OR5AN1: variants seen among roughly 807,000 people sequenced by gnomAD.
The protein encoded by OR5AN1 is olfactory receptor family 5 subfamily AN member 1.
For missense variants in OR5AN1, 476 were observed against 368.9 expected, an observed-to-expected ratio of 1.29 and a Z score of -2.38; for synonymous variants, 167 against 131.8, an observed-to-expected ratio of 1.27 and a Z score of -1.83.
rs182700766 is a variant in OR5AN1, at chr11:59,362,272, C to T, written c.-13-2174C>T. On this transcript the variant is annotated intron_variant, in intron 1 of 1. Coordinates refer to ENST00000641998, the MANE Select transcript of OR5AN1 (RefSeq NM_001004729.2). The stretch of plus-strand genomic sequence containing the variant: ...ATGCTTTATGTAAGAGTTTTTCTGC[C>T]GTAACCAAGTTTTAAATTGCTTTGC... Among the ~76,000 whole-genome samples the T allele has an allele frequency of 1.1e-4, 17 of 152,094 alleles. 1 individual carries two copies. The highest frequency in any genetic ancestry group is 6.8e-3 in the Middle Eastern group (2 of 294).
chr11:59,366,679 T>G lies in OR5AN1; in HGVS notation c.*1285T>G, dbSNP rs1353427219. ...AAATTGAGATATTATATATCTATTT[T>G]GGAGTTGTTTAGGATTATTGAGCTG... On this transcript the variant is annotated 3_prime_UTR_variant, in exon 2 of 2. Transcript: ENST00000641998. The G allele has an allele frequency of 3.9e-5, 6 of 152,238 alleles. No homozygotes were observed. Among genetic ancestry groups the G allele is most frequent in the African/African-American group, 7.2e-5 (3 of 41,460 alleles). The allele number at this position is 152,238 out of a possible 1,614,324, so 9.4% of individuals were successfully genotyped here.
Position 59,365,504 on chromosome 11 carries a change from G to C in OR5AN1, c.*110G>C. On this transcript the variant is annotated 3_prime_UTR_variant, in exon 2 of 2. Coordinates refer to ENST00000641998, the MANE Select transcript of OR5AN1 (RefSeq NM_001004729.2). ...AAAATTCATGCTGCCTACTGCCTTT[G>C]GACAAAGAAGGCTTGATTTGATGCA... 1 of 671,122 alleles carries C rather than the reference G, an allele frequency of 1.5e-6. No homozygotes were observed. 41.6% of individuals were successfully genotyped at this position (671,122 alleles called of 1,614,324 possible).
Position 59,364,757 on chromosome 11 carries a change from T to C in OR5AN1, c.299T>C (p.Ile100Thr). Residue 100 changes from isoleucine to threonine, a missense_variant, in exon 2 of 2, where the codon ATT becomes ACT. Ile to Thr is a moderately conservative substitution (Grantham distance 89, BLOSUM62 -1). Coordinates refer to ENST00000641998, the MANE Select transcript of OR5AN1 (RefSeq NM_001004729.2). ...QQTITFVGCI[I>T]QYFIFSTMGL... is the part of the protein sequence containing the mutation. Reference sequence around the variant, plus strand: ...ACTATCACTTTTGTTGGTTGTATTATTCAGTACTTTATCTTTTCAACGATG... The same window carrying C: ...ACTATCACTTTTGTTGGTTGTATTACTCAGTACTTTATCTTTTCAACGATG... 1 of 1,614,124 alleles carries C rather than the reference T, an allele frequency of 6.2e-7. No individual in the cohort carries two copies.
In OR5AN1 at chr11:59,364,684, A is replaced by G. The variant is rs1488330896; in HGVS notation, c.226A>G (p.Ser76Gly). The G allele has an allele frequency of 1.2e-6, 2 of 1,613,818 alleles. No homozygotes were observed. Among genetic ancestry groups the G allele is most frequent in the East Asian group, 4.5e-5 (2 of 44,876 alleles). Residue 76 changes from serine to glycine, a missense_variant, in exon 2 of 2, where the codon AGC becomes GGC. Ser to Gly is a moderately conservative substitution (Grantham distance 56). Transcript: ENST00000641998. ...GTCCTTCATAGATGTCTGCTATATCAGCTCCACAGTCCCCAAGATGCTCTC... is the reference window on the plus strand; with the variant it reads ...GTCCTTCATAGATGTCTGCTATATCGGCTCCACAGTCCCCAAGATGCTCTC... ...NLSFIDVCYI[S>G]STVPKMLSNL...
chr11:59,363,561 T>G (rs1857488591), intron 1 of OR5AN1, among the ~76,000 whole-genome samples: 1 of 152,198 alleles, frequency 6.6e-6, no homozygotes, highest in Admixed American at 6.5e-5. Context: ...TTATCAGAAT[T>G]TATGATATTA....
chr11:59,370,607 C>A lies in OR5AN1; in HGVS notation c.*5213C>A, dbSNP rs1193065304. On this transcript the variant is annotated 3_prime_UTR_variant, in exon 2 of 2. Coordinates refer to ENST00000641998, the MANE Select transcript of OR5AN1 (RefSeq NM_001004729.2). ...AAGAGCAAAGTATATCCAAGATATT[C>A]TTGCCCTTACAAATATCAATGTATT... 6.6e-6 allele frequency: 1 copy of A among 152,192 alleles called. No individual in the cohort carries two copies. Among genetic ancestry groups the A allele is most frequent in the Non-Finnish European group, 1.5e-5 (1 of 68,028 alleles). 9.4% of individuals were successfully genotyped at this position (152,192 alleles called of 1,614,324 possible).
chr11:59,363,026 G>A (rs886134211), intron 1 of OR5AN1, among the ~76,000 whole-genome samples: 10 of 152,282 alleles, frequency 6.6e-5, no homozygotes, highest in Middle Eastern at 3.4e-3. Flanking sequence ...ACACCTGCCT[G>A]GAGGCAATGA....
At chr11:59,362,358 C>A (rs1166891546) in intron 1 of OR5AN1, among the ~76,000 whole-genome samples, 4 of 152,022 alleles carry the variant, frequency 2.6e-5, no homozygotes, top group Non-Finnish European at 4.4e-5. Flanking sequence ...CACTTCCATC[C>A]CAAGATTATA....
chr11:59,361,611 AT>A (rs1244653320), intron 1 of OR5AN1, among the ~76,000 whole-genome samples: 1 of 152,078 alleles, frequency 6.6e-6, no homozygotes, highest in African/African-American at 2.4e-5. Context: ...CCTTTATGTC[AT>A]TTCCATCCTT....
In OR5AN1 at chr11:59,366,614, A is replaced by G. The variant is rs1436535674; in HGVS notation, c.*1220A>G. ...ACCCCCAAGGTGTGTGATGCTGGGC[A>G]AGCCACACAATCTTTTGTGCCTCAG... On this transcript the variant is annotated 3_prime_UTR_variant, in exon 2 of 2. Coordinates refer to ENST00000641998, the MANE Select transcript of OR5AN1 (RefSeq NM_001004729.2). The G allele has an allele frequency of 6.6e-6, 1 of 152,216 alleles. No homozygotes were observed. Among genetic ancestry groups the G allele is most frequent in the African/African-American group, 2.4e-5 (1 of 41,448 alleles). 9.4% of individuals were successfully genotyped at this position (152,216 alleles called of 1,614,324 possible).
rs1287796966 is a variant in OR5AN1 at position 59,366,662 on chromosome 11, A to G, written c.*1268A>G. ...CAGTTTTCTCATTTGTAAAATTGAG[A>G]TATTATATATCTATTTTGGAGTTGT... On this transcript the variant is annotated 3_prime_UTR_variant, in exon 2 of 2. Transcript: ENST00000641998. 2 of 152,222 alleles carry G rather than the reference A, an allele frequency of 1.3e-5. No individual in the cohort carries two copies. The highest frequency in any genetic ancestry group is 4.8e-5 in the African/African-American group (2 of 41,454). 9.4% of individuals were successfully genotyped at this position (152,222 alleles called of 1,614,324 possible).
chr11:59,360,684 T>C (rs1429221300), intron 1 of OR5AN1, among the ~76,000 whole-genome samples: 1 of 152,190 alleles, frequency 6.6e-6, no homozygotes, highest in Non-Finnish European at 1.5e-5. Context: ...ATATAGTGTT[T>C]GGTTTTCTGT....
In OR5AN1 at chr11:59,364,466, G is replaced by A. The variant is rs1239908117; in HGVS notation, c.8G>A (p.Gly3Glu). The A allele has an allele frequency of 3.7e-6, 6 of 1,605,314 alleles. No individual in the cohort carries two copies. The highest frequency in any genetic ancestry group is 5.1e-6 in the Non-Finnish European group (6 of 1,175,066). MTGGGNITEITYF... is the reference protein window; with the variant it reads MTEGGNITEITYF... The stretch of plus-strand genomic sequence containing the variant: ...ATTAGGAGCACTGAGCCAATGACTG[G>A]GGGAGGAAATATTACAGAAATCACC... Residue 3 changes from glycine (G) to glutamate (E), a missense_variant, in exon 2 of 2, where the codon GGG (glycine) becomes GAG (glutamate). Physicochemically the swap from Gly to Glu is moderately conservative, Grantham distance 98. Transcript: ENST00000641998.
In OR5AN1 at chr11:59,364,559, T is replaced by G. The variant is rs967752094; in HGVS notation, c.101T>G (p.Val34Gly). Residue 34 changes from valine (V) to glycine (G), a missense_variant, in exon 2 of 2, where the codon GTG (valine) becomes GGG (glycine). Val to Gly is a moderately radical substitution (Grantham distance 109). Transcript: ENST00000641998. The part of the protein sequence containing the change: ...IIKVLFTIFL[V>G]IYITSLAWNL... ...AAAGTGCTCTTCACTATATTCCTGG[T>G]GATCTACATTACATCTCTGGCCTGG... 2 of 1,613,604 alleles carry G rather than the reference T, an allele frequency of 1.2e-6. No individual in the cohort carries two copies. The highest frequency in any genetic ancestry group is 1.7e-5 in the Admixed American group (1 of 59,972).
rs919920980 is a variant in OR5AN1 at position 59,368,275 on chromosome 11, G to A, written c.*2881G>A. 6.6e-6 allele frequency: 1 copy of A among 152,288 alleles called. No homozygotes were observed. Among genetic ancestry groups the A allele is most frequent in the Non-Finnish European group, 1.5e-5 (1 of 68,132 alleles). 9.4% of individuals were successfully genotyped at this position (152,288 alleles called of 1,614,324 possible). On this transcript the variant is annotated 3_prime_UTR_variant, in exon 2 of 2. Transcript: ENST00000641998. ...AAAACAGCAGCCCTATGGAAAAGTG[G>A]CCAGAGTGTTTCGTGGGTTTCCATT... is the stretch of plus-strand genomic sequence containing the variant.
At chr11:59,360,345 A>G (rs1479724318) in intron 1 of OR5AN1, among the ~76,000 whole-genome samples, 1 of 152,204 alleles carries the variant, frequency 6.6e-6, no homozygotes, top group African/African-American at 2.4e-5. Context: ...AAATATTTCC[A>G]TTAAATCTAA....
chr11:59,364,025 G>T lies in OR5AN1; in HGVS notation c.-13-421G>T, dbSNP rs1472274482. 2.6e-5 allele frequency among the ~76,000 whole-genome samples: 4 copies of T among 152,066 alleles called. No homozygotes were observed. The East Asian group carries it at 5.8e-4, about 22-fold the overall frequency. ...TGATCCACCCACCTCAGCCTCCCCA[G>T]GTGCTAGGATTACAGGCATGAGCCA... On this transcript the variant is annotated intron_variant, in intron 1 of 1. Transcript: ENST00000641998.
chr11:59,362,077 G>T (rs1857471092), intron 1 of OR5AN1, among the ~76,000 whole-genome samples: 1 of 151,804 alleles, frequency 6.6e-6, no homozygotes, highest in Non-Finnish European at 1.5e-5. Context: ...TTTATAAAAA[G>T]CACATAATTT....
Position 59,370,818 on chromosome 11 carries a change from G to T in OR5AN1, c.*5424G>T, listed in dbSNP as rs539917449. 30 of 152,312 alleles carry T rather than the reference G, an allele frequency of 2.0e-4. No individual in the cohort carries two copies. The highest frequency in any genetic ancestry group is 7.2e-4 in the African/African-American group (30 of 41,578). 9.4% of individuals were successfully genotyped at this position (152,312 alleles called of 1,614,324 possible). On this transcript the variant is annotated 3_prime_UTR_variant, in exon 2 of 2. Transcript: ENST00000641998. ...TGAACGTGTTAGTCAGAGTTCTCCA[G>T]AGAGACAAAACCAATAGGATACATC...
Sources: gnomAD v4.1 joint callset for allele counts (sites outside exome capture counted in the v4.1 genomes callset) on GRCh38, gnomAD v4.1.1 for gene constraint, MANE v1.5 for transcripts, NCBI Gene and HGNC (gene_info 2026-07-23, HGNC 2026-07-21) for gene names.